The following TLCD4 variants were observed in gnomAD, a reference collection of about 807,000 sequenced individuals.
TLCD4 encodes TLC domain containing 4, also known as TLC domain-containing protein 4.
A neutral mutation model predicts 24.2 loss-of-function variants in TLCD4; 7 were observed. The observed-to-expected ratio is 0.29, with a 90% confidence interval of 0.16 to 0.54. The LOEUF (loss-of-function observed/expected upper bound fraction) is 0.54. Among genes scored for constraint, TLCD4 ranks in the 20% least tolerant of loss-of-function variants. The pLI is 0.95. For synonymous variants in TLCD4, 103 were observed against 106.4 expected (o/e 0.97, Z 0.20); for missense variants, 259 against 313.9 (o/e 0.82, Z 1.32).
chr1:95,133,941 T>G (rs72722116), intron 1 of TLCD4, among the ~76,000 whole-genome samples: 30,187 of 151,220 alleles, frequency 0.2, 3,066 homozygotes, highest in South Asian at 0.25. Context: ...AATGATGGAC[T>G]TTGGGATGTA....
At chr1:95,159,678 T>C (rs1213900742) in intron 5 of TLCD4, among the ~76,000 whole-genome samples, 6 of 152,210 alleles carry the variant, frequency 3.9e-5, no homozygotes, top group Non-Finnish European at 8.8e-5. Flanking sequence ...GAATTAATTT[T>C]TGTTTAAGGT....
chr1:95,112,261 T>C, the TLCD4 span, among the ~76,000 whole-genome samples: 1 of 151,836 alleles, frequency 6.6e-6, no homozygotes. Flanking sequence ...TCTCAGACAA[T>C]AGATAAGAAA....
chr1:95,093,140 A>G, the TLCD4 span, among the ~76,000 whole-genome samples: 3 of 152,228 alleles, frequency 2.0e-5, no homozygotes, highest in African/African-American at 7.2e-5. Flanking sequence ...CTAGGAAAAC[A>G]TATTCTCCAA....
At chr1:95,142,130 C>CTTTTT (rs35609217) in intron 1 of TLCD4, among the ~76,000 whole-genome samples, 1 of 119,276 alleles carries the variant, frequency 8.4e-6, no homozygotes, top group Non-Finnish European at 1.7e-5. Flanking sequence ...GCCTTAGTGC[C>CTTTTT]TTTTTTTTTT....
intron 6 of TLCD4, among the ~76,000 whole-genome samples, chr1:95,177,310 A>G (rs921241797): frequency 2.0e-5 from 3 of 151,740 alleles, no homozygotes; most frequent in Middle Eastern, 3.2e-3. Flanking sequence ...GTCAAAATCT[A>G]AAACCCGGGG....
chr1:95,147,156 C>T (rs1269602726), intron 2 of TLCD4, among the ~76,000 whole-genome samples: 1 of 151,570 alleles, frequency 6.6e-6, no homozygotes, highest in African/African-American at 2.4e-5. Flanking sequence ...TCACTGAAAC[C>T]TTTGCCTCCC....
intron 6 of TLCD4, among the ~76,000 whole-genome samples, chr1:95,174,728 A>G (rs1305335227): frequency 6.6e-6 from 1 of 152,110 alleles, no homozygotes; most frequent in Non-Finnish European, 1.5e-5. Flanking sequence ...AATACATACA[A>G]TGTAAATAAC....
intron 6 of TLCD4, among the ~76,000 whole-genome samples, chr1:95,181,380 G>T (rs1678634803): frequency 6.6e-6 from 1 of 151,950 alleles, no homozygotes; most frequent in Non-Finnish European, 1.5e-5. Context: ...TTATGCAATA[G>T]AAAAAAAGTA....
the TLCD4 span, among the ~76,000 whole-genome samples, chr1:95,109,406 C>CA: frequency 0.76 from 115,673 of 151,704 alleles, 44,598 homozygotes; most frequent in Non-Finnish European, 0.8. Flanking sequence ...TTTTTCTCTC[C>CA]AAAACCTGGT....
chr1:95,158,620 T>A (rs1180002112), intron 5 of TLCD4, among the ~76,000 whole-genome samples: 1 of 151,850 alleles, frequency 6.6e-6, no homozygotes, highest in Non-Finnish European at 1.5e-5. Context: ...TAACTCGTCA[T>A]TTACATTAGG....
At position 95,176,973 on chromosome 1, in the gene TLCD4, G is replaced by A. The variant is rs1369336225; in HGVS notation, c.473+3084G>A. On this transcript the variant is annotated intron_variant, in intron 6 of 6. Coordinates refer to ENST00000370203, the MANE Select transcript of TLCD4 (RefSeq NM_152487.3). ...ATGCAAGGGTTTAATTTCTACAGTA[G>A]CTTCTAACTGACTTCCTAATTCCAG... 2.6e-5 allele frequency among the ~76,000 whole-genome samples: 4 copies of A among 152,136 alleles called. No individual in the cohort carries two copies. In the East Asian group the frequency reaches 7.7e-4, roughly 29 times the overall value.
upstream of TLCD4, among the ~76,000 whole-genome samples, chr1:95,112,897 G>T (rs926781541): frequency 6.6e-6 from 1 of 151,942 alleles, no homozygotes; most frequent in African/African-American, 2.4e-5. Flanking sequence ...ATTTATTCTT[G>T]TAGAGACATA....
intron 5 of TLCD4, among the ~76,000 whole-genome samples, chr1:95,160,730 G>A (rs12093923): frequency 0.22 from 32,794 of 152,060 alleles, 3,562 homozygotes; most frequent in Admixed American, 0.25. Flanking sequence ...GAATTTTGTC[G>A]AAGGCCTTTT....
At chr1:95,133,806 C>T (rs1349738430) in intron 1 of TLCD4, among the ~76,000 whole-genome samples, 2 of 152,014 alleles carry the variant, frequency 1.3e-5, no homozygotes, top group African/African-American at 4.8e-5. Flanking sequence ...TCATGTGTGA[C>T]ATTCTGCAAC....
chr1:95,136,390 C>T lies in TLCD4; in HGVS notation c.-11-7501C>T, dbSNP rs1416651414. On this transcript the variant is annotated intron_variant, in intron 1 of 6. Coordinates refer to ENST00000370203, the MANE Select transcript of TLCD4 (RefSeq NM_152487.3). ...CCTTTAAAAATTTTATTATATTTTG[C>T]CTTTATGATTTGGATTCATTATTTC... is the stretch of plus-strand genomic sequence containing the variant. 3.9e-5 allele frequency among the ~76,000 whole-genome samples: 6 copies of T among 152,162 alleles called. No individual in the cohort carries two copies. The East Asian group carries it at 1.2e-3, about 29-fold the overall frequency.
the TLCD4 span, among the ~76,000 whole-genome samples, chr1:95,109,752 G>A: frequency 1.3e-5 from 2 of 151,738 alleles, no homozygotes; most frequent in Admixed American, 1.3e-4. Flanking sequence ...GCCTCCCAAA[G>A]TGTTGGTATT....
chr1:95,184,450 T>C (rs1678761492), intron 6 of TLCD4, among the ~76,000 whole-genome samples: 1 of 152,158 alleles, frequency 6.6e-6, no homozygotes, highest in African/African-American at 2.4e-5. Context: ...CTTTTTCTAG[T>C]TTTTACACAA....
chr1:95,130,219 C>A (rs1676852309), intron 1 of TLCD4, among the ~76,000 whole-genome samples: 1 of 129,860 alleles, frequency 7.7e-6, no homozygotes. Context: ...GTGGTGCGAT[C>A]TCGGCTCACT....
chr1:95,186,791 T>C (rs1678844853), intron 6 of TLCD4, among the ~76,000 whole-genome samples: 1 of 152,240 alleles, frequency 6.6e-6, no homozygotes, highest in Admixed American at 6.5e-5. Flanking sequence ...CTAAATAGTC[T>C]TTCTTAATTG....
Sources: gnomAD v4.1 joint callset for allele counts (sites outside exome capture counted in the v4.1 genomes callset) on GRCh38, gnomAD v4.1.1 for gene constraint, MANE v1.5 for transcripts, NCBI Gene and HGNC (gene_info 2026-07-23, HGNC 2026-07-21) for gene names.